Variants in PCDH15 observed in about 807,000 individuals in gnomAD.
PCDH15 encodes the protein protocadherin-15.
PCDH15 carries 129 observed loss-of-function variants against 178.5 expected under a neutral mutation model. The observed-to-expected ratio is 0.72, with a 90% CI of 0.63 to 0.84. The LOEUF is 0.84. Ranked by LOEUF, PCDH15 falls within the 40% of genes least tolerant of loss-of-function variation. PCDH15 has a pLI of 0.00. For synonymous variants in PCDH15, 800 were observed against 732.0 expected (o/e 1.09, Z -1.50); for missense variants, 2,230 against 2,099.9 (o/e 1.06, Z -1.21).
At chr10:55,049,668 C>T (rs1591859128) in intron 2 of PCDH15, among the ~76,000 whole-genome samples, 1 of 152,012 alleles carries the variant, frequency 6.6e-6, no homozygotes, top group Non-Finnish European at 1.5e-5. Context: ...CCAAAACAAA[C>T]AGACGTGGTG....
intron 8 of PCDH15, among the ~76,000 whole-genome samples, chr10:54,314,501 T>C (rs1301531170): frequency 1.3e-5 from 2 of 152,256 alleles, no homozygotes; most frequent in East Asian, 1.9e-4. Flanking sequence ...CTTGTAGATA[T>C]TTTAAAAGAT....
At chr10:54,798,184 G>A (rs1481879602) in intron 1 of PCDH15, among the ~76,000 whole-genome samples, 4 of 151,422 alleles carry the variant, frequency 2.6e-5, no homozygotes, top group Non-Finnish European at 5.9e-5. Context: ...ACTCACATTA[G>A]CTTTTTTTTT....
chr10:54,917,075 A>G (rs1011747506), intron 2 of PCDH15, among the ~76,000 whole-genome samples: 8 of 152,182 alleles, frequency 5.3e-5, no homozygotes, highest in Admixed American at 3.9e-4. Flanking sequence ...GTTGAATAGC[A>G]TTGGTTAGAA....
At chr10:54,806,198 A>G (rs1226682749), upstream of PCDH15, among the ~76,000 whole-genome samples, 1 of 152,230 alleles carries the variant, frequency 6.6e-6, no homozygotes, top group Non-Finnish European at 1.5e-5. Context: ...TGGTTTAAAC[A>G]GAAAAAAAGA....
chr10:55,047,227 G>T (rs1035878754), intron 2 of PCDH15, among the ~76,000 whole-genome samples: 1 of 151,702 alleles, frequency 6.6e-6, no homozygotes, highest in Non-Finnish European at 1.5e-5. Flanking sequence ...TTGGTACATA[G>T]CAAAGATTCA....
chr10:54,988,125 T>C (rs1263436249), intron 2 of PCDH15, among the ~76,000 whole-genome samples: 2 of 152,160 alleles, frequency 1.3e-5, no homozygotes, highest in African/African-American at 4.8e-5. Context: ...AGGAAATCCT[T>C]TCACCATTGC....
intron 2 of PCDH15, among the ~76,000 whole-genome samples, chr10:54,624,418 G>T (rs2093479213): frequency 6.6e-6 from 1 of 152,182 alleles, no homozygotes; most frequent in Non-Finnish European, 1.5e-5. Flanking sequence ...CATTAAAAGT[G>T]TCATAAAGAA....
intron 25 of PCDH15, among the ~76,000 whole-genome samples, chr10:53,925,079 A>G (rs1219666736): frequency 1.3e-5 from 2 of 152,240 alleles, no homozygotes; most frequent in African/African-American, 4.8e-5. Flanking sequence ...ATAAAAGCAG[A>G]CTGCCCCAGC....
intron 2 of PCDH15, among the ~76,000 whole-genome samples, chr10:55,435,120 C>T (rs1466194168): frequency 6.6e-6 from 1 of 151,824 alleles, no homozygotes; most frequent in Non-Finnish European, 1.5e-5. Flanking sequence ...TTTAAGTGAA[C>T]TAAATCAGAA....
At chr10:53,902,329 G>A (rs2921923) in intron 26 of PCDH15, among the ~76,000 whole-genome samples, 77,799 of 151,734 alleles carry the variant, frequency 0.51, 21,306 homozygotes, top group Middle Eastern at 0.68. Context: ...AAAACTACAC[G>A]TAAGAAGAGC....
At chr10:55,092,874 CTG>C (rs546427420) in intron 2 of PCDH15, among the ~76,000 whole-genome samples, 103 of 151,992 alleles carry the variant, frequency 6.8e-4, no homozygotes, top group Middle Eastern at 6.9e-3. Flanking sequence ...AAGTAAGAAA[CTG>C]TTAAAAACAT....
At chr10:55,282,269 C>T (rs550489691) in intron 1 of PCDH15, among the ~76,000 whole-genome samples, 7 of 152,242 alleles carry the variant, frequency 4.6e-5, no homozygotes, top group African/African-American at 1.4e-4. Flanking sequence ...TTTGCATATG[C>T]TGGTTTGTCT....
intron 1 of PCDH15, among the ~76,000 whole-genome samples, chr10:55,263,293 T>C (rs564561505): frequency 5.4e-4 from 83 of 152,322 alleles, no homozygotes; most frequent in African/African-American, 2.0e-3. Flanking sequence ...TATCTCTTCC[T>C]TTACAATGTT....
chr10:54,700,158 C>T lies in PCDH15; in HGVS notation c.-28-35868G>A, dbSNP rs116914814. 3.6e-3 allele frequency among the ~76,000 whole-genome samples: 547 copies of T among 152,108 alleles called. 4 individuals carry two copies. Among genetic ancestry groups the T allele is most frequent in the Non-Finnish European group, 6.6e-3 (449 of 67,976 alleles). ...AGACAAAGTCAATCGACTGAACCCACCATATTCCTCTATCAAACTCCCAAG... is the reference window on the plus strand; with the variant it reads ...AGACAAAGTCAATCGACTGAACCCATCATATTCCTCTATCAAACTCCCAAG... On this transcript the variant is annotated intron_variant, in intron 1 of 37. Transcript: ENST00000644397.
At chr10:55,569,523 C>A (rs566035084) in intron 2 of PCDH15, among the ~76,000 whole-genome samples, 1 of 151,846 alleles carries the variant, frequency 6.6e-6, no homozygotes, top group South Asian at 2.1e-4. Context: ...ACAGAAATTT[C>A]CAAATTGTAT....
chr10:55,178,847 C>G (rs553482065), intron 1 of PCDH15, among the ~76,000 whole-genome samples: 21 of 152,186 alleles, frequency 1.4e-4, no homozygotes, highest in African/African-American at 5.1e-4. Context: ...TCCTGAATGC[C>G]CATGGGATTA....
At chr10:54,961,120 C>G (rs900492751) in intron 2 of PCDH15, among the ~76,000 whole-genome samples, 1 of 152,208 alleles carries the variant, frequency 6.6e-6, no homozygotes, top group Admixed American at 6.5e-5. Context: ...TACAGTGATG[C>G]CAGCTGCAGT....
chr10:54,746,605 A>T (rs1310751131), intron 1 of PCDH15, among the ~76,000 whole-genome samples: 1 of 152,206 alleles, frequency 6.6e-6, no homozygotes, highest in African/African-American at 2.4e-5. Context: ...CCTATTATGT[A>T]TCCACAAAAA....
chr10:55,191,867 C>G (rs1407156962), intron 1 of PCDH15, among the ~76,000 whole-genome samples: 1 of 151,696 alleles, frequency 6.6e-6, no homozygotes, highest in African/African-American at 2.4e-5. Flanking sequence ...TTTTTTCTTT[C>G]TTGTTCTCAG....
Sources: allele counts gnomAD v4.1 joint callset (sites outside exome capture counted in the v4.1 genomes callset), GRCh38; gene constraint gnomAD v4.1.1; transcripts MANE v1.5; gene names NCBI Gene and HGNC (gene_info 2026-07-23, HGNC 2026-07-21).